Variants in DOCK1 observed in about 807,000 individuals in gnomAD.
DOCK1 encodes dedicator of cytokinesis protein 1.
A neutral mutation model predicts 262.7 loss-of-function variants in DOCK1; 138 were observed. That is an observed-to-expected ratio of 0.53 (90% confidence interval 0.46 to 0.61). The LOEUF (loss-of-function observed/expected upper bound fraction) is 0.61, where lower values mean the gene tolerates loss of function less well. Among genes scored for constraint, DOCK1 ranks in the 20% least tolerant of loss-of-function variants. The pLI, the probability that DOCK1 is intolerant of heterozygous loss-of-function variation, is 0.00. For missense variants in DOCK1, 1,908 were observed against 2,370.7 expected (o/e 0.80, Z 4.05); for synonymous variants, 866 against 867.4 (o/e 1.00, Z 0.03).
intron 1 of DOCK1, among the ~76,000 whole-genome samples, chr10:126,916,400 T>C (rs2032497264): frequency 6.6e-6 from 1 of 152,184 alleles, no homozygotes; most frequent in Non-Finnish European, 1.5e-5. Context: ...TCCTCAAAGT[T>C]TTATGATTTT....
Position 127,436,611 on chromosome 10 carries a change from C to CTT in DOCK1, c.5061-2413_5061-2412dup, listed in dbSNP as rs1325880181. On this transcript the variant is annotated intron_variant, in intron 48 of 51. Coordinates refer to ENST00000623213, the MANE Select transcript of DOCK1 (RefSeq NM_001290223.2). ...ATCATGCAGTCTTGACAATTATCAG[C>CTT]TTTTAACTAATCTTTTTTTTTCAAT... Among the ~76,000 whole-genome samples the CTT allele has an allele frequency of 2.2e-5, 3 of 138,646 alleles. No homozygotes were observed. The East Asian group carries it at 6.5e-4, about 30-fold the overall frequency. 91.0% of individuals were successfully genotyped at this position (138,646 alleles called of 152,430 possible).
chr10:126,942,614 C>CCAGCCCCGAGGGAGCCGTCATCT (rs2035104675), intron 1 of DOCK1, among the ~76,000 whole-genome samples: 1 of 152,092 alleles, frequency 6.6e-6, no homozygotes, highest in African/African-American at 2.4e-5. Context: ...GGGAGCCGAG[C>CCAGCCCCGAGGGAGCCGTCATCT]CAGCCCCGAG....
intron 21 of DOCK1, among the ~76,000 whole-genome samples, chr10:127,049,867 A>C (rs2135714078): frequency 6.6e-6 from 1 of 152,224 alleles, no homozygotes; most frequent in South Asian, 2.1e-4. Context: ...ACAGACAAAA[A>C]GTTCAGAAGG....
At chr10:127,420,103 C>T (rs926951608) in intron 46 of DOCK1, among the ~76,000 whole-genome samples, 3 of 152,228 alleles carry the variant, frequency 2.0e-5, no homozygotes, top group Non-Finnish European at 4.4e-5. Context: ...CCAGGAAAGG[C>T]GCTCGGGCCA....
At chr10:127,430,274 G>A (rs949626533) in intron 47 of DOCK1, among the ~76,000 whole-genome samples, 1 of 152,154 alleles carries the variant, frequency 6.6e-6, no homozygotes, top group Admixed American at 6.5e-5. Context: ...GCTGCCGGGG[G>A]GACCCATCCC....
At chr10:127,046,860 CT>C (rs1317112220) in intron 21 of DOCK1, among the ~76,000 whole-genome samples, 1 of 150,818 alleles carries the variant, frequency 6.6e-6, no homozygotes, top group Admixed American at 6.6e-5. Context: ...TTCTGAGTGT[CT>C]TATTCCATAA....
intron 27 of DOCK1, among the ~76,000 whole-genome samples, chr10:127,247,229 G>A (rs2134772925): frequency 6.6e-6 from 1 of 152,226 alleles, no homozygotes; most frequent in East Asian, 1.9e-4. Flanking sequence ...CCCCATTCTT[G>A]ATTTTCTGTG....
chr10:126,983,540 T>A (rs1269900888), intron 4 of DOCK1, among the ~76,000 whole-genome samples: 1 of 152,182 alleles, frequency 6.6e-6, no homozygotes, highest in African/African-American at 2.4e-5. Context: ...ATGGCCTCTG[T>A]CTTGCAGGCT....
At chr10:127,281,652 G>A (rs569860732) in intron 29 of DOCK1, among the ~76,000 whole-genome samples, 4 of 152,266 alleles carry the variant, frequency 2.6e-5, no homozygotes, top group African/African-American at 9.6e-5. Flanking sequence ...CATTGCTGCA[G>A]GGAGACCCCA....
intron 1 of DOCK1, among the ~76,000 whole-genome samples, chr10:126,948,655 T>A (rs2134350589): frequency 6.6e-6 from 1 of 152,020 alleles, no homozygotes; most frequent in South Asian, 2.1e-4. Context: ...GGGTCAGGTA[T>A]GCTGAGCCAG....
In DOCK1 at chr10:126,998,245, A is replaced by T. The variant is rs140799120; in HGVS notation, c.763A>T (p.Ile255Phe). 1.5e-5 allele frequency: 25 copies of T among 1,613,740 alleles called. No homozygotes were observed. Among genetic ancestry groups the T allele is most frequent in the Non-Finnish European group, 1.7e-5 (20 of 1,179,708 alleles). The change falls in exon 8 of 52, where the codon ATC (isoleucine) becomes TTC (phenylalanine). Residue 255 changes from isoleucine to phenylalanine, a missense_variant. Ile to Phe is a conservative substitution (Grantham distance 21). This residue lies in a region of DOCK1 where 102 missense variants were observed against 154.9 expected (regional missense o/e 0.66). Transcript: ENST00000623213. The stretch of plus-strand genomic sequence containing the variant: ...ATATGACCCTGTGGAGTCCAAATTC[A>T]TCAGGTGGGTGACATTTCTTGGCTG... ...SLYDPVESKF[I>F]SENYLVRWSS...
chr10:126,943,001 A>T (rs1057028246), intron 1 of DOCK1, among the ~76,000 whole-genome samples: 15 of 152,264 alleles, frequency 9.9e-5, no homozygotes, highest in East Asian at 5.8e-4. Flanking sequence ...TCACGCCTGT[A>T]ATCTCAGCAC....
At chr10:126,951,250 A>G (rs2036198332) in intron 1 of DOCK1, among the ~76,000 whole-genome samples, 1 of 149,652 alleles carries the variant, frequency 6.7e-6, no homozygotes, top group African/African-American at 2.5e-5. Context: ...TGTTGGTAAT[A>G]TTAGTGATAG....
intron 2 of DOCK1, among the ~76,000 whole-genome samples, chr10:126,975,939 G>C (rs752870564): frequency 9.2e-5 from 14 of 152,044 alleles, no homozygotes; most frequent in Admixed American, 2.0e-4. Context: ...ACTATACTTA[G>C]TTGCTGTCTT....
At chr10:126,949,574 T>C (rs1176719426) in intron 1 of DOCK1, among the ~76,000 whole-genome samples, 4 of 152,090 alleles carry the variant, frequency 2.6e-5, no homozygotes, top group African/African-American at 9.7e-5. Context: ...AGCTGGGACA[T>C]GGTTGGATCT....
intron 18 of DOCK1, among the ~76,000 whole-genome samples, chr10:127,037,312 A>T (rs1591767012): frequency 6.9e-6 from 1 of 144,002 alleles, no homozygotes; most frequent in Admixed American, 6.7e-5. Flanking sequence ...TATTATCTAT[A>T]AAAAAATAGC....
intron 38 of DOCK1, among the ~76,000 whole-genome samples, chr10:127,396,956 A>G: frequency 7.1e-6 from 1 of 140,462 alleles, no homozygotes; most frequent in East Asian, 2.0e-4. Flanking sequence ...AGCATGAGTT[A>G]CACGGGCAGC....
chr10:127,196,334 C>G (rs2057145241), intron 27 of DOCK1, among the ~76,000 whole-genome samples: 1 of 148,848 alleles, frequency 6.7e-6, no homozygotes, highest in East Asian at 2.0e-4. Context: ...CTCGCTTGCT[C>G]GCGACGCGGC....
intron 47 of DOCK1, 148 bp downstream of exon 47, chr10:127,426,159 G>C: frequency 7.3e-7 from 1 of 1,371,110 alleles, no homozygotes; most frequent in East Asian, 2.3e-5. Context: ...CAGCCCCCTT[G>C]GGCAGTCTTG....
Sources: allele counts gnomAD v4.1 joint callset (sites outside exome capture counted in the v4.1 genomes callset), GRCh38; gene constraint gnomAD v4.1.1; regional missense constraint gnomAD v4.1.1; transcripts MANE v1.5; gene names NCBI Gene and HGNC (gene_info 2026-07-23, HGNC 2026-07-21).